PTPRS: variants seen among roughly 807,000 people sequenced by gnomAD.
PTPRS encodes receptor-type tyrosine-protein phosphatase S.
PTPRS carries 63 observed loss-of-function variants against 215.3 expected under a neutral mutation model. That is an observed-to-expected ratio of 0.29 (90% CI 0.24 to 0.36). The LOEUF (loss-of-function observed/expected upper bound fraction) is 0.36, where lower values mean the gene tolerates loss of function less well. Ranked by LOEUF, PTPRS falls within the 10% of genes least tolerant of loss-of-function variation. The pLI, the probability that PTPRS is intolerant of heterozygous loss-of-function variation, is 1.00. For synonymous variants in PTPRS, 1,404 were observed against 1,191.4 expected (o/e 1.18, Z -3.68); for missense variants, 2,258 against 2,825.8 (o/e 0.80, Z 4.56).
chr19:5,309,764 CCTT>C (rs1568603625), intron 1 of PTPRS, among the ~76,000 whole-genome samples: 1 of 152,086 alleles, frequency 6.6e-6, no homozygotes, highest in Non-Finnish European at 1.5e-5. Context: ...TCTGCAAAAT[CCTT>C]CTAGAATACA....
chr19:5,219,112 C>A, intron 23 of PTPRS, 198 bp downstream of exon 23: 3 of 743,678 alleles, frequency 4.0e-6, no homozygotes, highest in Non-Finnish European at 6.4e-6. Flanking sequence ...GAAGCCAAGC[C>A]ACTGGCCTGC....
chr19:5,323,328 C>T (rs977992676), intron 1 of PTPRS, among the ~76,000 whole-genome samples: 57 of 152,078 alleles, frequency 3.7e-4, no homozygotes, highest in Admixed American at 7.9e-4. Flanking sequence ...ACTGCACTCC[C>T]GCCTGGGTGA....
chr19:5,238,438 C>T (rs959276037), intron 13 of PTPRS, among the ~76,000 whole-genome samples: 8 of 152,042 alleles, frequency 5.3e-5, no homozygotes, highest in South Asian at 2.1e-4. Context: ...GCTCCCTGCC[C>T]GGGGGAGGAA....
chr19:5,296,804 G>A (rs1161518760), intron 1 of PTPRS, among the ~76,000 whole-genome samples: 1 of 152,114 alleles, frequency 6.6e-6, no homozygotes. Flanking sequence ...TTGACCCTGA[G>A]GAAGGTGGGA....
chr19:5,229,044 G>T (rs2042770578), intron 16 of PTPRS, among the ~76,000 whole-genome samples: 1 of 152,244 alleles, frequency 6.6e-6, no homozygotes. Flanking sequence ...CCATCAGGGT[G>T]AGAGGATTCA....
At chr19:5,284,565 T>C (rs988719682) in intron 2 of PTPRS, among the ~76,000 whole-genome samples, 13 of 151,950 alleles carry the variant, frequency 8.6e-5, no homozygotes, top group Non-Finnish European at 1.8e-4. Context: ...TCAGTTTCCA[T>C]AGTTGTACGA....
At position 5,214,388 on chromosome 19, in the gene PTPRS, G is replaced by C; in HGVS notation, c.4587C>G (p.Phe1529Leu). The change falls in exon 30 of 38, where the codon TTC becomes TTG. Residue 1529 changes from phenylalanine to leucine, a missense_variant. By Grantham distance (22) the Phe-to-Leu change is conservative. Coordinates refer to ENST00000262963, the MANE Select transcript of PTPRS (RefSeq NM_002850.4). Reference sequence around the variant, plus strand: ...TGTGCAGAGAGAATGTCCTGACGCAGAATGTGGCCAGCTCGATGGTATCTA... The same window carrying C: ...TGTGCAGAGAGAATGTCCTGACGCACAATGTGGCCAGCTCGATGGTATCTA... The part of the protein sequence containing the change: ...TLLDTIELAT[F>L]CVRTFSLHKN... The C allele has an allele frequency of 1.2e-6, 2 of 1,614,182 alleles. No individual in the cohort carries two copies. The highest frequency in any genetic ancestry group is 1.7e-6 in the Non-Finnish European group (2 of 1,180,036).
intron 1 of PTPRS, among the ~76,000 whole-genome samples, chr19:5,288,740 G>C (rs1305591847): frequency 6.6e-6 from 1 of 152,220 alleles, no homozygotes; most frequent in Non-Finnish European, 1.5e-5. Context: ...CTTGCACAGA[G>C]AGCCCAGGTG....
chr19:5,317,171 CAAAT>C (rs957306230), intron 1 of PTPRS, among the ~76,000 whole-genome samples: 2 of 152,100 alleles, frequency 1.3e-5, no homozygotes, highest in African/African-American at 4.8e-5. Flanking sequence ...CTTGGGTAAA[CAAAT>C]AAATAGCTGA....
rs760302776 is a variant in PTPRS at position 5,220,079 on chromosome 19, T to C, written c.3625A>G (p.Ile1209Val). ...GGCAGCACAGAGAAGCGAGCTGCAA[T>C]ATAGGGCCGGGGCACCTCCAGCTGA... ...SRQLEVPRPY[I>V]AARFSVLPPT... Residue 1209 changes from isoleucine to valine, a missense_variant, in exon 22 of 38, where the codon ATT (isoleucine) becomes GTT (valine). Ile to Val is a conservative substitution (Grantham distance 29, BLOSUM62 3). Transcript: ENST00000262963. The C allele has an allele frequency of 4.3e-6, 7 of 1,613,798 alleles. No individual in the cohort carries two copies. The highest frequency in any genetic ancestry group is 5.9e-6 in the Non-Finnish European group (7 of 1,180,038).
At chr19:5,336,988 G>C (rs1356811238) in intron 1 of PTPRS, among the ~76,000 whole-genome samples, 1 of 152,152 alleles carries the variant, frequency 6.6e-6, no homozygotes, top group Non-Finnish European at 1.5e-5. Flanking sequence ...ATGCAGAGGA[G>C]AGCTGGGGAG....
intron 7 of PTPRS, 43 bp downstream of exon 7, chr19:5,260,762 C>CT: frequency 6.2e-7 from 1 of 1,612,274 alleles, no homozygotes. Context: ...GAGTGGGCAG[C>CT]AAGAGCGAGC....
intron 1 of PTPRS, among the ~76,000 whole-genome samples, chr19:5,322,581 C>A (rs745732276): frequency 6.6e-6 from 1 of 152,026 alleles, no homozygotes; most frequent in Non-Finnish European, 1.5e-5. Flanking sequence ...GCCTCCAGCC[C>A]GCAGAAAGAC....
In PTPRS at chr19:5,206,060, T is replaced by TAAAAAAAAAAAAAAAAAAAAA. The variant is rs545658474; in HGVS notation, c.*693_*713dup. On this transcript the variant is annotated 3_prime_UTR_variant, in exon 38 of 38. Transcript: ENST00000262963. ...CACACTTTCTGATGGTAGGAAAAAT[T>TAAAAAAAAAAAAAAAAAAAAA]AAAAAAAAAAAAAAAAAAAAAAAAG... Among the ~76,000 whole-genome samples the TAAAAAAAAAAAAAAAAAAAAA allele has an allele frequency of 1.4e-5, 1 of 70,258 alleles. No individual in the cohort carries two copies. The highest frequency in any genetic ancestry group is 2.9e-5 in the Non-Finnish European group (1 of 34,806). The allele number at this position is 70,258 out of a possible 152,430, so 46.1% of individuals were successfully genotyped here. A position where few individuals can be genotyped will look rare whatever the true frequency, so the allele number is the denominator to read the frequency against.
At chr19:5,255,981 A>AT (rs34015774) in intron 9 of PTPRS, 127 bp downstream of exon 9, 234,232 of 619,080 alleles carry the variant, frequency 0.38, 47,532 homozygotes, top group East Asian at 0.76. Context: ...TCATTTTTCT[A>AT]TTTTTTTTCC....
rs968279515 is a variant in PTPRS, at chr19:5,229,692, G to A, written c.2156-8C>T. On this transcript the variant is annotated splice_polypyrimidine_tract_variant and splice_region_variant and intron_variant, in intron 14 of 37. Transcript: ENST00000262963. ...GCGGCGGCGCGCTGGGCACTGGCGG[G>A]CGGGAGGGGAGGGGAGGGGCGGGCG... is the stretch of plus-strand genomic sequence containing the variant. 2 of 1,254,974 alleles carry A rather than the reference G, an allele frequency of 1.6e-6. No individual in the cohort carries two copies. Among genetic ancestry groups the A allele is most frequent in the South Asian group, 3.1e-5 (1 of 32,188 alleles). 77.7% of individuals were successfully genotyped at this position (1,254,974 alleles called of 1,614,324 possible). A position where few individuals can be genotyped will look rare whatever the true frequency, so the allele number is the denominator to read the frequency against.
rs903449089 is a variant in PTPRS, at chr19:5,244,859, C to G, written c.989-377G>C. On this transcript the variant is annotated intron_variant, in intron 10 of 37. Transcript: ENST00000262963. The surrounding 1 kb of genome is among the most constrained non-coding windows in gnomAD (Gnocchi z 7.2). ...TAATTTTTTGTATTTTCAGTTGAGA[C>G]GGGTTTCACTGTGTTAGCCAGGATG... 1.3e-5 allele frequency among the ~76,000 whole-genome samples: 2 copies of G among 151,302 alleles called. No individual in the cohort carries two copies. Among genetic ancestry groups the G allele is most frequent in the African/African-American group, 4.9e-5 (2 of 41,004 alleles).
At chr19:5,228,332 G>C (rs1184792456) in intron 16 of PTPRS, among the ~76,000 whole-genome samples, 2 of 106,652 alleles carry the variant, frequency 1.9e-5, no homozygotes, top group Non-Finnish European at 3.5e-5. Flanking sequence ...GCGATAGTGT[G>C]AGACTCCGTC....
Position 5,338,276 on chromosome 19 carries a change from G to T in PTPRS, c.-95+2388C>A, listed in dbSNP as rs991762125. Among the ~76,000 whole-genome samples, 3 of 152,190 alleles carry T rather than the reference G, an allele frequency of 2.0e-5. No homozygotes were observed. Among genetic ancestry groups the T allele is most frequent in the African/African-American group, 7.2e-5 (3 of 41,458 alleles). On this transcript the variant is annotated intron_variant, in intron 1 of 37. Coordinates refer to ENST00000262963, the MANE Select transcript of PTPRS (RefSeq NM_002850.4). The surrounding 1 kb of genome is among the most constrained non-coding windows in gnomAD (Gnocchi z 4.2). ...CCAGGCAGCCTGGGTCTCCTGCGAC[G>T]TTTTGTTTGCCTGAGCCCAATTAGA...
Sources: allele counts gnomAD v4.1 joint callset (sites outside exome capture counted in the v4.1 genomes callset), GRCh38; gene constraint gnomAD v4.1.1; non-coding constraint Gnocchi (gnomAD v3.1); transcripts MANE v1.5; gene names NCBI Gene and HGNC (gene_info 2026-07-23, HGNC 2026-07-21).